The following LHFPL3 variants were observed in gnomAD, a reference collection of about 807,000 sequenced individuals.
The protein encoded by LHFPL3 is LHFPL tetraspan subfamily member 3 protein.
In LHFPL3, 5 loss-of-function variants were observed where a neutral mutation model predicts 19.3. The ratio of observed to expected loss-of-function variants is 0.26; its 90% CI spans 0.14 to 0.54. The LOEUF is 0.54. LHFPL3 is among the 20% of genes least tolerant of loss of function. The pLI, the probability that LHFPL3 is intolerant of heterozygous loss-of-function variation, is 0.94. For synonymous variants in LHFPL3, 133 were observed against 126.2 expected, an observed-to-expected ratio of 1.05 and a Z score of -0.36; for missense variants, 249 against 307.4, an observed-to-expected ratio of 0.81 and a Z score of 1.42.
chr7:104,761,033 G>A (rs115961300), intron 2 of LHFPL3, among the ~76,000 whole-genome samples: 1 of 151,924 alleles, frequency 6.6e-6, no homozygotes, highest in Non-Finnish European at 1.5e-5. Context: ...AGGTCAAACT[G>A]ATATCAGCAT....
intron 1 of LHFPL3, among the ~76,000 whole-genome samples, chr7:104,499,878 G>GA (rs951955685): frequency 2.0e-5 from 3 of 151,708 alleles, no homozygotes; most frequent in African/African-American, 7.3e-5. Context: ...ACCAGTAGAA[G>GA]AAAAAAAGGA....
At chr7:104,737,359 A>AAAC (rs1793847843) in intron 2 of LHFPL3, among the ~76,000 whole-genome samples, 1 of 152,186 alleles carries the variant, frequency 6.6e-6, no homozygotes, top group South Asian at 2.1e-4. Context: ...ACTATTTGTG[A>AAAC]TAATTGAATT....
intron 1 of LHFPL3, among the ~76,000 whole-genome samples, chr7:104,341,143 T>C (rs1789941419): frequency 6.6e-6 from 1 of 152,216 alleles, no homozygotes; most frequent in Non-Finnish European, 1.5e-5. Flanking sequence ...TTAACTATAA[T>C]ACATTGAAAA....
At chr7:104,466,058 G>A (rs1029067155) in intron 1 of LHFPL3, among the ~76,000 whole-genome samples, 13 of 152,148 alleles carry the variant, frequency 8.5e-5, no homozygotes, top group African/African-American at 2.9e-4. Flanking sequence ...TGGGTGGAGA[G>A]TTCTGTAGAG....
chr7:104,623,506 T>C (rs1791488257), intron 1 of LHFPL3, among the ~76,000 whole-genome samples: 1 of 117,222 alleles, frequency 8.5e-6, no homozygotes, highest in African/African-American at 3.1e-5. Context: ...GGTGCATGCC[T>C]GTAGTCCCAG....
intron 1 of LHFPL3, among the ~76,000 whole-genome samples, chr7:104,363,607 C>A (rs1014933214): frequency 3.3e-5 from 5 of 152,226 alleles, no homozygotes; most frequent in Admixed American, 1.3e-4. Context: ...CTGTGGCATC[C>A]ACTCTCAGTG....
At chr7:104,664,309 G>C (rs1034803309) in intron 1 of LHFPL3, among the ~76,000 whole-genome samples, 2 of 30,016 alleles carry the variant, frequency 6.7e-5, no homozygotes, top group Admixed American at 6.3e-4. Context: ...CTTTCTTTCA[G>C]CTTCTATAAA....
intron 2 of LHFPL3, among the ~76,000 whole-genome samples, chr7:104,770,334 A>G (rs1794530303): frequency 6.6e-6 from 1 of 152,196 alleles, no homozygotes; most frequent in African/African-American, 2.4e-5. Context: ...TTTGGAGTGC[A>G]GGGAGCCAAA....
intron 1 of LHFPL3, among the ~76,000 whole-genome samples, chr7:104,463,367 T>C (rs1014580561): frequency 1.3e-5 from 2 of 152,182 alleles, no homozygotes; most frequent in African/African-American, 4.8e-5. Flanking sequence ...TTGATATGGG[T>C]GGTTAGTGCT....
At chr7:104,862,721 T>G (rs1791639804) in intron 2 of LHFPL3, among the ~76,000 whole-genome samples, 1 of 152,192 alleles carries the variant, frequency 6.6e-6, no homozygotes, top group Non-Finnish European at 1.5e-5. Flanking sequence ...CTGGACCTGC[T>G]GAACCCTGGG....
Position 104,841,493 on chromosome 7 carries a change from G to GTGTGTGTGTGTGTGTGT in LHFPL3, c.683-64694_683-64693insTGTGTGTGTGTGTGTGT, listed in dbSNP as rs372610653. Reference sequence around the variant, plus strand: ...ATATGTATTACGATGCATTATGTGGGGTGTGTGTGTGTGTGTGTGTGTGTG... The same window carrying GTGTGTGTGTGTGTGTGT: ...ATATGTATTACGATGCATTATGTGGGTGTGTGTGTGTGTGTGTGTGTGTGTGTGTGTGTGTGTGTGTG... On this transcript the variant is annotated intron_variant, in intron 2 of 2. Transcript: ENST00000424859. 1.0e-3 allele frequency among the ~76,000 whole-genome samples: 145 copies of GTGTGTGTGTGTGTGTGT among 140,934 alleles called. 1 individual carries two copies. Among genetic ancestry groups the GTGTGTGTGTGTGTGTGT allele is most frequent in the African/African-American group, 3.3e-3 (124 of 37,536 alleles). 92.5% of individuals were successfully genotyped at this position (140,934 alleles called of 152,430 possible).
intron 2 of LHFPL3, among the ~76,000 whole-genome samples, chr7:104,868,097 T>C (rs1353538919): frequency 6.6e-6 from 1 of 152,034 alleles, no homozygotes; most frequent in Non-Finnish European, 1.5e-5. Flanking sequence ...TAAGAGCTAT[T>C]TATGACAAAC....
At chr7:104,413,871 TTTTG>T (rs1261538504) in intron 1 of LHFPL3, among the ~76,000 whole-genome samples, 2 of 152,192 alleles carry the variant, frequency 1.3e-5, no homozygotes, top group Non-Finnish European at 2.9e-5. Context: ...CTGGTATTAT[TTTTG>T]TTTGTTTGTT....
At chr7:104,483,328 G>C (rs1793172388) in intron 1 of LHFPL3, among the ~76,000 whole-genome samples, 1 of 152,184 alleles carries the variant, frequency 6.6e-6, no homozygotes, top group South Asian at 2.1e-4. Context: ...GATTAAACAG[G>C]AAAGGTGTAA....
intron 1 of LHFPL3, among the ~76,000 whole-genome samples, chr7:104,513,476 G>C (rs1444937554): frequency 6.6e-6 from 1 of 152,200 alleles, no homozygotes; most frequent in East Asian, 1.9e-4. Context: ...CAGAAACAGG[G>C]AATTTCACTT....
intron 1 of LHFPL3, among the ~76,000 whole-genome samples, chr7:104,714,768 AATTAT>A (rs536152036): frequency 2.0e-5 from 3 of 152,282 alleles, no homozygotes; most frequent in South Asian, 2.1e-4. Flanking sequence ...GTCTGTCCAG[AATTAT>A]ATTATAAGCC....
intron 1 of LHFPL3, among the ~76,000 whole-genome samples, chr7:104,728,512 A>G (rs1214195003): frequency 6.6e-6 from 1 of 152,134 alleles, no homozygotes; most frequent in African/African-American, 2.4e-5. Flanking sequence ...CCAATGCCAG[A>G]ATCTTTCCAC....
chr7:104,900,011 C>T lies in LHFPL3; in HGVS notation c.683-6176C>T, dbSNP rs146461690. ...CCTCCCAAAGTGCTGGGATTACAGG[C>T]GTGAGCCACCGCCGTGCCTGGCCGC... On this transcript the variant is annotated intron_variant, in intron 2 of 2. Coordinates refer to ENST00000424859, the MANE Select transcript of LHFPL3 (RefSeq NM_199000.3). Among the ~76,000 whole-genome samples, 725 of 152,342 alleles carry T rather than the reference C, an allele frequency of 4.8e-3. 11 individuals carry two copies. Among genetic ancestry groups the T allele is most frequent in the East Asian group, 0.035 (179 of 5,186 alleles).
intron 2 of LHFPL3, among the ~76,000 whole-genome samples, chr7:104,832,546 C>G (rs1790973988): frequency 6.6e-6 from 1 of 151,456 alleles, no homozygotes; most frequent in Non-Finnish European, 1.5e-5. Flanking sequence ...ATTACTCCTT[C>G]ATCCACTTCA....
Sources: gnomAD v4.1 joint callset for allele counts (sites outside exome capture counted in the v4.1 genomes callset) on GRCh38, gnomAD v4.1.1 for gene constraint, MANE v1.5 for transcripts, NCBI Gene and HGNC (gene_info 2026-07-23, HGNC 2026-07-21) for gene names.